Variants in RBFOX1 observed in about 807,000 individuals in gnomAD.
The protein encoded by RBFOX1 is RNA binding protein fox-1 homolog 1.
Under a neutral mutation model 57.7 loss-of-function variants are expected in RBFOX1, and 8 were observed. The observed-to-expected ratio is 0.14, with a 90% CI of 0.08 to 0.25. The LOEUF is 0.25. Ranked by LOEUF, RBFOX1 falls within the 10% of genes least tolerant of loss-of-function variation. The pLI is 1.00. For missense variants in RBFOX1, 611 were observed against 548.5 expected, an observed-to-expected ratio of 1.11 and a Z score of -1.14; for synonymous variants, 326 against 222.4, an observed-to-expected ratio of 1.47 and a Z score of -4.15.
intron 1 of RBFOX1, among the ~76,000 whole-genome samples, chr16:6,155,258 C>G (rs1206886605): frequency 6.6e-6 from 1 of 152,210 alleles, no homozygotes; most frequent in South Asian, 2.1e-4. Flanking sequence ...CCCTAGGAGA[C>G]TGAGACATGG....
At chr16:6,659,748 T>C (rs898757165) in intron 3 of RBFOX1, among the ~76,000 whole-genome samples, 1 of 152,160 alleles carries the variant, frequency 6.6e-6, no homozygotes, top group Non-Finnish European at 1.5e-5. Flanking sequence ...TCACAGTGTT[T>C]ACAAGCCTGC....
chr16:5,815,413 C>G (rs1269291529), intron 3 of RBFOX1, among the ~76,000 whole-genome samples: 1 of 152,060 alleles, frequency 6.6e-6, no homozygotes, highest in African/African-American at 2.4e-5. Flanking sequence ...CTTCAGATCC[C>G]ATGATTAGAA....
At chr16:6,498,537 T>C (rs1261140869) in intron 2 of RBFOX1, among the ~76,000 whole-genome samples, 2 of 152,188 alleles carry the variant, frequency 1.3e-5, no homozygotes, top group Non-Finnish European at 1.5e-5. Flanking sequence ...AGATTTTGCC[T>C]GCAGGTGTTC....
At chr16:7,431,574 G>A (rs958796024) in intron 4 of RBFOX1, among the ~76,000 whole-genome samples, 1 of 152,134 alleles carries the variant, frequency 6.6e-6, no homozygotes, top group Non-Finnish European at 1.5e-5. Context: ...TTTAAAAAAT[G>A]CTGGTAAAAT....
intron 2 of RBFOX1, among the ~76,000 whole-genome samples, chr16:6,370,154 C>G (rs867144198): frequency 6.6e-6 from 1 of 151,778 alleles, no homozygotes; most frequent in African/African-American, 2.4e-5. Context: ...ATCAGGAGAT[C>G]GAGACCGTCC....
chr16:7,228,857 G>A (rs531749417), intron 4 of RBFOX1, among the ~76,000 whole-genome samples: 10 of 152,302 alleles, frequency 6.6e-5, no homozygotes, highest in African/African-American at 2.4e-4. Context: ...AATGAAAAGT[G>A]AGTGTTTTAC....
chr16:6,098,804 C>T (rs372164006), intron 1 of RBFOX1, among the ~76,000 whole-genome samples: 50 of 152,154 alleles, frequency 3.3e-4, no homozygotes, highest in South Asian at 1.7e-3. Flanking sequence ...ACACCCATCC[C>T]GGAAAATTCC....
At chr16:6,173,144 A>G (rs2152770003) in intron 1 of RBFOX1, among the ~76,000 whole-genome samples, 1 of 152,280 alleles carries the variant, frequency 6.6e-6, no homozygotes, top group African/African-American at 2.4e-5. Context: ...ACTTAGTCTC[A>G]TCTGCAAAGT....
intron 3 of RBFOX1, among the ~76,000 whole-genome samples, chr16:6,851,789 C>G (rs953465918): frequency 3.9e-5 from 6 of 152,162 alleles, no homozygotes; most frequent in Non-Finnish European, 7.4e-5. Flanking sequence ...CACCCGGACC[C>G]TTAACTCCTT....
chr16:7,432,276 G>C (rs1003915981), intron 4 of RBFOX1, among the ~76,000 whole-genome samples: 1 of 152,344 alleles, frequency 6.6e-6, no homozygotes, highest in South Asian at 2.1e-4. Flanking sequence ...TGCTGGGAGA[G>C]AAGTGAACTT....
intron 3 of RBFOX1, among the ~76,000 whole-genome samples, chr16:5,685,252 T>G (rs987233155): frequency 3.9e-5 from 6 of 152,204 alleles, no homozygotes; most frequent in Non-Finnish European, 7.3e-5. Flanking sequence ...ATCCAGAAAT[T>G]GATGCACTGC....
chr16:7,472,459 G>C (rs1188845108), intron 4 of RBFOX1, among the ~76,000 whole-genome samples: 2 of 152,150 alleles, frequency 1.3e-5, no homozygotes, highest in South Asian at 4.1e-4. Context: ...CTATAAGTCT[G>C]AAACCAGTGT....
intron 3 of RBFOX1, among the ~76,000 whole-genome samples, chr16:5,682,095 A>C (rs565976327): frequency 4.1e-4 from 63 of 152,322 alleles, no homozygotes; most frequent in African/African-American, 1.4e-3. Context: ...ACAGCATTAC[A>C]GTTGGGTTTC....
chr16:6,441,260 G>T (rs796081386), intron 2 of RBFOX1, among the ~76,000 whole-genome samples: 1 of 152,140 alleles, frequency 6.6e-6, no homozygotes, highest in Non-Finnish European at 1.5e-5. Flanking sequence ...AGAGAGAGTT[G>T]TAAGTATCTC....
chr16:5,267,514 T>A (rs2062890839), intron 1 of RBFOX1, among the ~76,000 whole-genome samples: 1 of 151,188 alleles, frequency 6.6e-6, no homozygotes, highest in African/African-American at 2.4e-5. Flanking sequence ...GCCAGGCTGG[T>A]CTCAAACTCC....
chr16:5,940,739 A>T (rs2059261913), intron 4 of RBFOX1, among the ~76,000 whole-genome samples: 1 of 152,142 alleles, frequency 6.6e-6, no homozygotes, highest in Admixed American at 6.5e-5. Context: ...ATTCAAGTGG[A>T]GGGGAGGAGA....
At chr16:6,240,265 A>G (rs1259881903) in intron 1 of RBFOX1, among the ~76,000 whole-genome samples, 3 of 152,142 alleles carry the variant, frequency 2.0e-5, no homozygotes, top group Non-Finnish European at 2.9e-5. Flanking sequence ...AGTCTCAGGT[A>G]TTTCTTTATA....
At chr16:7,191,852 A>G (rs1374860057) in intron 4 of RBFOX1, among the ~76,000 whole-genome samples, 1 of 152,216 alleles carries the variant, frequency 6.6e-6, no homozygotes, top group East Asian at 1.9e-4. Flanking sequence ...GGTTTTATTA[A>G]CCATCACCAG....
rs551685722 is a variant in RBFOX1, at chr16:7,198,314, G to A, written c.27+146216G>A. On this transcript the variant is annotated intron_variant, in intron 4 of 15. Transcript: ENST00000550418. Reference sequence around the variant, plus strand: ...GCCACCGCACATGGCCAATATACCCGGTGGTTTTCTTCTGGGGTGATGAAA... The same window carrying A: ...GCCACCGCACATGGCCAATATACCCAGTGGTTTTCTTCTGGGGTGATGAAA... Among the ~76,000 whole-genome samples, 27 of 152,190 alleles carry A rather than the reference G, an allele frequency of 1.8e-4. 1 individual carries two copies. The highest frequency in any genetic ancestry group is 4.1e-4 in the South Asian group (2 of 4,830).
Sources: gnomAD v4.1 joint callset for allele counts (sites outside exome capture counted in the v4.1 genomes callset) on GRCh38, gnomAD v4.1.1 for gene constraint, MANE v1.5 for transcripts, NCBI Gene and HGNC (gene_info 2026-07-23, HGNC 2026-07-21) for gene names.